DLL3: variants seen among roughly 807,000 people sequenced by gnomAD.
DLL3 encodes delta-like protein 3.
DLL3 carries 49 observed loss-of-function variants against 55.0 expected under a neutral mutation model. That is an observed-to-expected ratio of 0.89 (90% CI 0.71 to 1.13). DLL3 has a LOEUF of 1.13. DLL3 is among the 50% of genes most tolerant of loss of function. The probability of loss-of-function intolerance (pLI) is 0.00; values close to 1 mark genes in which losing one functional copy is unlikely to be tolerated. For synonymous variants in DLL3, 421 were observed against 385.2 expected, an observed-to-expected ratio of 1.09 and a Z score of -1.09; for missense variants, 962 against 875.5, an observed-to-expected ratio of 1.10 and a Z score of -1.25.
chr19:39,500,501 G>A (rs2079603956), intron 2 of DLL3, 114 bp from the exon 3 acceptor site: 6 of 934,652 alleles, frequency 6.4e-6, no homozygotes, highest in Non-Finnish European at 1.0e-5. Context: ...TCCCTTGCTT[G>A]CTCAGTCCCC....
At chr19:39,504,930 C>T (rs1465641548) in intron 5 of DLL3, among the ~76,000 whole-genome samples, 1 of 152,054 alleles carries the variant, frequency 6.6e-6, no homozygotes, top group Non-Finnish European at 1.5e-5. Flanking sequence ...CAGTAGGACT[C>T]GTCAGTGTAG....
intron 3 of DLL3, among the ~76,000 whole-genome samples, chr19:39,501,504 T>C (rs183214893): frequency 1.3e-5 from 2 of 152,204 alleles, no homozygotes; most frequent in East Asian, 1.9e-4. Context: ...TTATTTTTTA[T>C]GGACATGGGA....
Position 39,498,960 on chromosome 19 carries a change from C to G in DLL3, c.-15C>G, listed in dbSNP as rs1335660483. ...CCAGCAGCTGCGACTCCCGAGACCCCCCCACCAGAAGGCCATGGTCTCCCC... is the reference window on the plus strand; with the variant it reads ...CCAGCAGCTGCGACTCCCGAGACCCGCCCACCAGAAGGCCATGGTCTCCCC... On this transcript the variant is annotated 5_prime_UTR_variant, in exon 1 of 9. Transcript: ENST00000356433. 1 of 1,613,890 alleles carries G rather than the reference C, an allele frequency of 6.2e-7. No homozygotes were observed. The highest frequency in any genetic ancestry group is 2.2e-5 in the East Asian group (1 of 44,874).
chr19:39,507,504 A>T lies in DLL3; in HGVS notation c.1559A>T (p.His520Leu), dbSNP rs755597448. Residue 520 changes from histidine to leucine, a missense_variant, in exon 7 of 9, where the codon CAC becomes CTC. Coordinates refer to ENST00000356433, the MANE Select transcript of DLL3 (RefSeq NM_203486.3). ...LLLVHVRRRGHSQDAGSRLLA... is the reference protein window; with the variant it reads ...LLLVHVRRRGLSQDAGSRLLA... Reference sequence around the variant, plus strand: ...CTGGTCCACGTGCGCCGCCGTGGCCACTCCCAGGATGCTGGGTCTCGCTTG... The same window carrying T: ...CTGGTCCACGTGCGCCGCCGTGGCCTCTCCCAGGATGCTGGGTCTCGCTTG... 1.9e-6 allele frequency: 3 copies of T among 1,598,196 alleles called. No homozygotes were observed. Among genetic ancestry groups the T allele is most frequent in the Middle Eastern group, 1.6e-4 (1 of 6,068 alleles).
At chr19:39,508,015 T>C in intron 8 of DLL3, 101 bp downstream of exon 8, 3 of 1,612,310 alleles carry the variant, frequency 1.9e-6, no homozygotes, top group Non-Finnish European at 2.5e-6. Flanking sequence ...GTGAAATGAA[T>C]TGGGTAGAGT....
rs751762334 is a variant in DLL3 at position 39,507,241 on chromosome 19, G to A, written c.1296G>A (p.Pro432=). The part of the protein sequence containing the change: ...GGRDCRERAD[P]CAARPCAHGG... ...GCGACTGCCGCGAGCGCGCGGACCCGTGCGCCGCGCGCCCCTGTGCTCACG... is the reference window on the plus strand; with the variant it reads ...GCGACTGCCGCGAGCGCGCGGACCCATGCGCCGCGCGCCCCTGTGCTCACG... The change falls in exon 7 of 9, where the codon CCG becomes CCA. Residue 432 remains proline (P), a synonymous_variant. Transcript: ENST00000356433. The A allele has an allele frequency of 7.3e-6, 11 of 1,498,562 alleles. No individual in the cohort carries two copies. Among genetic ancestry groups the A allele is most frequent in the Middle Eastern group, 2.0e-4 (1 of 5,114 alleles). 92.8% of individuals were successfully genotyped at this position (1,498,562 alleles called of 1,614,324 possible). A position where few individuals can be genotyped will look rare whatever the true frequency, so the allele number is the denominator to read the frequency against.
rs886054432 is a variant in DLL3 at position 39,503,025 on chromosome 19, G to A, written c.620G>A (p.Cys207Tyr). Residue 207 changes from cysteine to tyrosine, a missense_variant, in exon 4 of 9, where the codon TGC (cysteine) becomes TAC (tyrosine). Coordinates refer to ENST00000356433, the MANE Select transcript of DLL3 (RefSeq NM_203486.3). ...PSRCGPGLRP[C>Y]APLEDECEAP... ...CGGTGCGGTCCGGGACTGCGCCCCT[G>A]CGCACCGCTCGAGGACGAATGTGAG... The A allele has an allele frequency of 7.5e-5, 114 of 1,516,694 alleles. No homozygotes were observed. The highest frequency in any genetic ancestry group is 2.8e-4 in the Admixed American group (14 of 49,368). 94.0% of individuals were successfully genotyped at this position (1,516,694 alleles called of 1,614,324 possible). A position where few individuals can be genotyped will look rare whatever the true frequency, so the allele number is the denominator to read the frequency against.
chr19:39,500,432 C>CCCA (rs879663840), intron 2 of DLL3, among the ~76,000 whole-genome samples, 183 bp from the exon 3 acceptor site: 2 of 121,946 alleles, frequency 1.6e-5, no homozygotes, highest in African/African-American at 3.3e-5. Flanking sequence ...CCCCCCCCCC[C>CCCA]AAAAAAAAGC....
intron 6 of DLL3, among the ~76,000 whole-genome samples, chr19:39,506,258 G>T (rs1332700849): frequency 3.1e-5 from 4 of 130,536 alleles, no homozygotes; most frequent in South Asian, 2.7e-4. Context: ...GTAAGATCAT[G>T]AATGTAGGCT....
Position 39,507,099 on chromosome 19 carries a change from G to A in DLL3, c.1154G>A (p.Gly385Asp), listed in dbSNP as rs104894674. Residue 385 changes from glycine to aspartate, a missense_variant, in exon 7 of 9, where the codon GGT becomes GAT. By Grantham distance (94) the Gly-to-Asp change is moderately conservative (BLOSUM62 -1). Transcript: ENST00000356433. ...LRCRCRAGFA[G>D]PRCEHDLDDC... Reference sequence around the variant, plus strand: ...TGCCGCTGCCGCGCCGGCTTCGCGGGTCCTCGCTGCGAGCACGACCTGGAC... The same window carrying A: ...TGCCGCTGCCGCGCCGGCTTCGCGGATCCTCGCTGCGAGCACGACCTGGAC... 3.2e-6 allele frequency: 5 copies of A among 1,543,446 alleles called. No homozygotes were observed. In the South Asian group the frequency reaches 4.7e-5, roughly 15 times the overall value.
rs1475903112 is a variant in DLL3, at chr19:39,506,168, T to C, written c.1093+717T>C. Among the ~76,000 whole-genome samples, 5 of 120,960 alleles carry C rather than the reference T, an allele frequency of 4.1e-5. No homozygotes were observed. The Admixed American group carries it at 5.6e-4, about 14-fold the overall frequency. 79.4% of individuals were successfully genotyped at this position (120,960 alleles called of 152,430 possible). A position where few individuals can be genotyped will look rare whatever the true frequency, so the allele number is the denominator to read the frequency against. Reference sequence around the variant, plus strand: ...CGGAGGTTGCAGTGAGCCGAGATCATGCCACTGCGCTCCCGCCTGGGCGAC... The same window carrying C: ...CGGAGGTTGCAGTGAGCCGAGATCACGCCACTGCGCTCCCGCCTGGGCGAC... On this transcript the variant is annotated intron_variant, in intron 6 of 8. Coordinates refer to ENST00000356433, the MANE Select transcript of DLL3 (RefSeq NM_203486.3).
At chr19:39,507,803 G>C (rs908776991) in intron 7 of DLL3, 27 bp from the exon 8 acceptor site, 8 of 1,614,008 alleles carry the variant, frequency 5.0e-6, no homozygotes, top group Non-Finnish European at 6.8e-6. Flanking sequence ...AAGAGTCTGA[G>C]TTTTTCTTCT....
intron 6 of DLL3, among the ~76,000 whole-genome samples, chr19:39,505,913 C>T (rs2079637822): frequency 6.6e-6 from 1 of 152,022 alleles, no homozygotes. Flanking sequence ...GATATCGGTG[C>T]TAAAAGATTA....
intron 6 of DLL3, among the ~76,000 whole-genome samples, chr19:39,506,211 C>CAAAAAAAAAA (rs541216671): frequency 1.8e-5 from 1 of 54,534 alleles, no homozygotes; most frequent in South Asian, 6.5e-4. Flanking sequence ...CACTCTGTCT[C>CAAAAAAAAAA]AAAAAAAAAA....
Position 39,499,332 on chromosome 19 carries a change from G to C in DLL3, c.210G>C (p.Glu70Asp), listed in dbSNP as rs2079595520. Residue 70 changes from glutamate (E) to aspartate (D), a missense_variant, in exon 2 of 9, where the codon GAG (glutamate) becomes GAC (aspartate). Glu to Asp is a conservative substitution (Grantham distance 45). Transcript: ENST00000356433. ...TCTGCCTGAAGCCTGGGCTCTCAGAGGAGGCCGCCGAGTCCCCGTGCGCCC... is the reference window on the plus strand; with the variant it reads ...TCTGCCTGAAGCCTGGGCTCTCAGACGAGGCCGCCGAGTCCCCGTGCGCCC... ...FRVCLKPGLS[E>D]EAAESPCALG... 1.3e-6 allele frequency: 2 copies of C among 1,548,670 alleles called. No homozygotes were observed. The highest frequency in any genetic ancestry group is 8.7e-7 in the Non-Finnish European group (1 of 1,152,198).
In DLL3 at chr19:39,507,414, G is replaced by A. The variant is rs1195270009; in HGVS notation, c.1469G>A (p.Arg490His). 1.1e-5 allele frequency: 18 copies of A among 1,588,828 alleles called. No individual in the cohort carries two copies. Among genetic ancestry groups the A allele is most frequent in the Admixed American group, 1.8e-5 (1 of 56,592 alleles). ...GGCCTCAGGCCCGGGGACCCTCAGC[G>A]CTACCTTTTGCCTCCGGCTCTGGGA... Reference protein sequence around the residue: ...PPGLRPGDPQRYLLPPALGLL... With the variant: ...PPGLRPGDPQHYLLPPALGLL... The change falls in exon 7 of 9, where the codon CGC (arginine) becomes CAC (histidine). Residue 490 changes from arginine (R) to histidine (H), a missense_variant. Coordinates refer to ENST00000356433, the MANE Select transcript of DLL3 (RefSeq NM_203486.3).
Position 39,500,420 on chromosome 19 carries a change from T to TC in DLL3, c.352-183dup, listed in dbSNP as rs369324363. 0.16 allele frequency among the ~76,000 whole-genome samples: 15,394 copies of TC among 93,446 alleles called. 1,777 individuals carry two copies. Among genetic ancestry groups the TC allele is most frequent in the Middle Eastern group, 0.29 (51 of 174 alleles). The allele number at this position is 93,446 out of a possible 152,430, so 61.3% of individuals were successfully genotyped here. Reference sequence around the variant, plus strand: ...CAGCCTGGTTGACAAAGTGAGATTCTCCCCCCCCCCCCAAAAAAAAGCCAC... The same window carrying TC: ...CAGCCTGGTTGACAAAGTGAGATTCTCCCCCCCCCCCCCAAAAAAAAGCCAC... On this transcript the variant is annotated intron_variant, in intron 2 of 8. Transcript: ENST00000356433.
At chr19:39,501,071 C>G (rs1322286102) in intron 3 of DLL3, among the ~76,000 whole-genome samples, 1 of 151,972 alleles carries the variant, frequency 6.6e-6, no homozygotes, top group Non-Finnish European at 1.5e-5. Context: ...ATGATCTCAG[C>G]TCACTGCAAC....
chr19:39,505,507 G>C, intron 6 of DLL3, 56 bp downstream of exon 6: 1 of 1,594,924 alleles, frequency 6.3e-7, no homozygotes. Flanking sequence ...GGATGGCTCA[G>C]ACAGTCCAGG....
Sources: allele counts gnomAD v4.1 joint callset (sites outside exome capture counted in the v4.1 genomes callset), GRCh38; gene constraint gnomAD v4.1.1; transcripts MANE v1.5; gene names NCBI Gene and HGNC (gene_info 2026-07-23, HGNC 2026-07-21).